PCLO: variants seen among roughly 807,000 people sequenced by gnomAD.
PCLO encodes protein piccolo.
In PCLO, 82 loss-of-function variants were observed where a neutral mutation model predicts 427.5. The ratio of observed to expected loss-of-function variants is 0.19; its 90% CI spans 0.16 to 0.23. The LOEUF is 0.23. PCLO is among the 10% of genes least tolerant of loss of function. The pLI is 1.00. For synonymous variants in PCLO, 2,357 were observed against 2,155.4 expected (o/e 1.09, Z -2.59); for missense variants, 6,239 against 6,115.9 (o/e 1.02, Z -0.67).
At position 82,916,253 on chromosome 7, in the gene PCLO, T is replaced by C. The variant is rs373124910; in HGVS notation, c.11733A>G (p.Gln3911=). ...TSYTQQSHFE[Q]QTLYHQQVSP... is the part of the protein sequence containing the mutation. ...AAACTTGCTGATGGTACAAAGTTTG[T>C]TGCTCAAAATGAGACTGTTGAGTGT... Residue 3911 remains glutamine, a synonymous_variant, in exon 7 of 25, where the codon CAA becomes CAG. Coordinates refer to ENST00000333891, the MANE Select transcript of PCLO (RefSeq NM_033026.6). 2.7e-4 allele frequency: 432 copies of C among 1,613,704 alleles called. 1 individual carries two copies. Among genetic ancestry groups the C allele is most frequent in the Non-Finnish European group, 2.7e-4 (315 of 1,179,706 alleles).
chr7:82,778,902 A>G (rs1225992453), intron 22 of PCLO, among the ~76,000 whole-genome samples: 1 of 121,416 alleles, frequency 8.2e-6, no homozygotes, highest in African/African-American at 3.5e-5. Context: ...GCTCTATTTT[A>G]TCATTTTTCT....
chr7:83,149,317 G>C (rs756523105), intron 2 of PCLO, among the ~76,000 whole-genome samples: 40 of 152,030 alleles, frequency 2.6e-4, no homozygotes, highest in Non-Finnish European at 5.4e-4. Flanking sequence ...CTAGCCACTT[G>C]GACAGTGGTT....
At chr7:82,872,582 T>A (rs1793263463) in intron 10 of PCLO, among the ~76,000 whole-genome samples, 1 of 152,146 alleles carries the variant, frequency 6.6e-6, no homozygotes, top group Non-Finnish European at 1.5e-5. Flanking sequence ...TCTTCCACAT[T>A]ATTTGACAAG....
intron 14 of PCLO, among the ~76,000 whole-genome samples, chr7:82,841,231 A>G (rs1475412956): frequency 6.6e-6 from 1 of 152,098 alleles, no homozygotes; most frequent in East Asian, 1.9e-4. Flanking sequence ...TGACACTGCT[A>G]AGATATCAGG....
chr7:82,999,337 A>G (rs1313696962), intron 3 of PCLO, among the ~76,000 whole-genome samples: 2 of 139,000 alleles, frequency 1.4e-5, no homozygotes, highest in Non-Finnish European at 3.0e-5. Context: ...AAATATATCC[A>G]TATATATTTA....
chr7:83,058,303 TC>T (rs1311258399), intron 3 of PCLO, among the ~76,000 whole-genome samples: 7 of 152,166 alleles, frequency 4.6e-5, no homozygotes, highest in African/African-American at 1.7e-4. Context: ...TGAAACAGCA[TC>T]CTCTGCCAAT....
intron 3 of PCLO, among the ~76,000 whole-genome samples, chr7:83,041,588 T>C (rs1181256489): frequency 1.3e-5 from 2 of 152,126 alleles, no homozygotes; most frequent in Non-Finnish European, 2.9e-5. Flanking sequence ...AATCTAGCAA[T>C]AGCATCATTT....
At chr7:83,126,240 T>A (rs1470782013) in intron 3 of PCLO, among the ~76,000 whole-genome samples, 1 of 152,148 alleles carries the variant, frequency 6.6e-6, no homozygotes, top group Non-Finnish European at 1.5e-5. Flanking sequence ...GGATAGTGGG[T>A]GGAGCAGGGC....
chr7:83,002,244 T>C (rs1180166969), intron 3 of PCLO, among the ~76,000 whole-genome samples: 14 of 152,066 alleles, frequency 9.2e-5, no homozygotes, highest in Admixed American at 5.9e-4. Context: ...TCCATCCTTC[T>C]CTCTCTGTTA....
chr7:82,834,765 A>G (rs1792185008), intron 16 of PCLO, among the ~76,000 whole-genome samples: 1 of 152,184 alleles, frequency 6.6e-6, no homozygotes, highest in Non-Finnish European at 1.5e-5. Context: ...CATGAGCTGT[A>G]TTAGAAAACG....
chr7:82,791,220 AT>A (rs36077665), intron 22 of PCLO, among the ~76,000 whole-genome samples: 67,145 of 151,614 alleles, frequency 0.44, 16,405 homozygotes, highest in East Asian at 0.83. Flanking sequence ...GTTTGTGTAG[AT>A]TTTTTTAAAA....
At chr7:82,828,713 C>T (rs933664518) in intron 16 of PCLO, among the ~76,000 whole-genome samples, 1 of 152,102 alleles carries the variant, frequency 6.6e-6, no homozygotes, top group African/African-American at 2.4e-5. Context: ...TCTGGCAGAA[C>T]ATCTATAGCT....
intron 7 of PCLO, among the ~76,000 whole-genome samples, chr7:82,910,454 A>G (rs1794295618): frequency 6.6e-6 from 1 of 152,136 alleles, no homozygotes; most frequent in South Asian, 2.1e-4. Context: ...GCAGTCTTAG[A>G]TTTGAGAAAA....
At chr7:83,057,337 TATA>T (rs1789412565) in intron 3 of PCLO, among the ~76,000 whole-genome samples, 1 of 24,036 alleles carries the variant, frequency 4.2e-5, no homozygotes, top group Non-Finnish European at 8.7e-5. Flanking sequence ...TATATATATA[TATA>T]TATATATATT....
At chr7:82,925,169 A>C (rs1357933011) in intron 6 of PCLO, among the ~76,000 whole-genome samples, 2 of 152,084 alleles carry the variant, frequency 1.3e-5, no homozygotes, top group African/African-American at 4.8e-5. Context: ...CTGGCCATTC[A>C]TTCTTTTTAG....
intron 2 of PCLO, among the ~76,000 whole-genome samples, chr7:83,144,331 G>T (rs1791939366): frequency 2.6e-5 from 4 of 152,104 alleles, no homozygotes; most frequent in Admixed American, 2.6e-4. Flanking sequence ...TGAGGCAGGA[G>T]AATTGCTTAA....
In PCLO at chr7:82,954,834, T is replaced by C. The variant is rs750439180; in HGVS notation, c.6119A>G (p.His2040Arg). Residue 2040 changes from histidine to arginine, a missense_variant, in exon 5 of 25, where the codon CAT (histidine) becomes CGT (arginine). Around this residue, in one of 5 missense-constraint regions of PCLO, gnomAD observed 4,677 missense variants for 4,468.4 expected, o/e 1.05. Transcript: ENST00000333891. ...VSSSFIIPES[H>R]EIVDLGTMVT... Reference sequence around the variant, plus strand: ...CATAGTACCCAGGTCCACTATCTCATGGCTTTCTGGGATGATAAAAGAGCT... The same window carrying C: ...CATAGTACCCAGGTCCACTATCTCACGGCTTTCTGGGATGATAAAAGAGCT... 8 of 1,613,942 alleles carry C rather than the reference T, an allele frequency of 5.0e-6. No individual in the cohort carries two copies. The Middle Eastern group carries it at 4.9e-4, about 100-fold the overall frequency.
chr7:82,916,634 T>A lies in PCLO; in HGVS notation c.11352A>T (p.Gln3784His). ...ERESAKLRKK[Q>H]AELDEEEKEI... ...CCTTTTCTTCTTCATCAAGCTCTGC[T>A]TGTTTCTTTCGAAGTTTTGCAGACT... The change falls in exon 7 of 25, where the codon CAA (glutamine) becomes CAT (histidine). Residue 3784 changes from glutamine (Q) to histidine (H), a missense_variant. Gln to His is a conservative substitution (Grantham distance 24). Around this residue, in one of 5 missense-constraint regions of PCLO, gnomAD observed 4,677 missense variants for 4,468.4 expected, o/e 1.05. Transcript: ENST00000333891. 1 of 1,613,696 alleles carries A rather than the reference T, an allele frequency of 6.2e-7. No individual in the cohort carries two copies.
At chr7:82,845,101 T>C (rs1321539019) in intron 13 of PCLO, among the ~76,000 whole-genome samples, 170 bp downstream of exon 13, 2 of 152,174 alleles carry the variant, frequency 1.3e-5, no homozygotes, top group Admixed American at 1.3e-4. Context: ...TGATACATCT[T>C]GATCAGTTTT....
Sources: allele counts gnomAD v4.1 joint callset (sites outside exome capture counted in the v4.1 genomes callset), GRCh38; gene constraint gnomAD v4.1.1; regional missense constraint gnomAD v4.1.1; transcripts MANE v1.5; gene names NCBI Gene and HGNC (gene_info 2026-07-23, HGNC 2026-07-21).